AKAP13: variants seen among roughly 807,000 people sequenced by gnomAD.
The protein encoded by AKAP13 is A-kinase anchoring protein 13.
AKAP13 carries 80 observed loss-of-function variants against 264.5 expected under a neutral mutation model. That is an observed-to-expected ratio of 0.30 (90% confidence interval 0.25 to 0.36). AKAP13 has a LOEUF of 0.36. Among genes scored for constraint, AKAP13 ranks in the 10% least tolerant of loss-of-function variants. The probability of loss-of-function intolerance (pLI) is 1.00; values close to 1 mark genes in which losing one functional copy is unlikely to be tolerated. For synonymous variants in AKAP13, 1,380 were observed against 1,250.2 expected (o/e 1.10, Z -2.19); for missense variants, 3,712 against 3,435.2 (o/e 1.08, Z -2.01).
intron 1 of AKAP13, among the ~76,000 whole-genome samples, chr15:85,485,038 A>G (rs192563437): frequency 1.3e-5 from 2 of 152,244 alleles, no homozygotes; most frequent in African/African-American, 2.4e-5. Flanking sequence ...TATAGCCTAG[A>G]TGAAGTCCTG....
At chr15:85,382,853 C>T (rs1012107870) in intron 1 of AKAP13, among the ~76,000 whole-genome samples, 1 of 152,224 alleles carries the variant, frequency 6.6e-6, no homozygotes, top group East Asian at 1.9e-4. Flanking sequence ...CTAGTGGTAG[C>T]TAGCGTACAC....
At chr15:85,443,180 C>G (rs1048829720) in intron 1 of AKAP13, among the ~76,000 whole-genome samples, 77 of 148,384 alleles carry the variant, frequency 5.2e-4, no homozygotes, top group African/African-American at 1.9e-3. Context: ...CTTTTATTTT[C>G]TATCAGATTT....
intron 17 of AKAP13, chr15:85,702,139 G>C (rs892682501): frequency 6.6e-6 from 1 of 152,092 alleles, no homozygotes; most frequent in African/African-American, 2.4e-5. Context: ...CCAGCTACTT[G>C]GGAGGCTGAG....
chr15:85,718,917 C>A lies in AKAP13; in HGVS notation c.6002-159C>A. The A allele has an allele frequency of 1.5e-5, 16 of 1,041,000 alleles. No homozygotes were observed. Among genetic ancestry groups the A allele is most frequent in the Non-Finnish European group, 2.0e-5 (15 of 742,562 alleles). The allele number at this position is 1,041,000 out of a possible 1,614,324, so 64.5% of individuals were successfully genotyped here. A position where few individuals can be genotyped will look rare whatever the true frequency, so the allele number is the denominator to read the frequency against. On this transcript the variant is annotated intron_variant, in intron 22 of 36. Transcript: ENST00000394518. The surrounding 1 kb of genome is among the most constrained non-coding windows in gnomAD (Gnocchi z 4.9). ...CTGTCTTAAAAAAAAAACAAAAAAACAAAAAAACGAGAACACTTTTAGGGG... is the reference window on the plus strand; with the variant it reads ...CTGTCTTAAAAAAAAAACAAAAAAAAAAAAAAACGAGAACACTTTTAGGGG...
chr15:85,648,096 T>C (rs1350842186), intron 10 of AKAP13, among the ~76,000 whole-genome samples: 1 of 152,216 alleles, frequency 6.6e-6, no homozygotes, highest in East Asian at 1.9e-4. Flanking sequence ...TGTAAGGAAT[T>C]CTGTTCCCCG....
chr15:85,748,803 G>C lies in AKAP13; in HGVS notation c.*4126G>C, dbSNP rs2089442705. The C allele has an allele frequency of 6.6e-6, 1 of 152,320 alleles. No homozygotes were observed. Among genetic ancestry groups the C allele is most frequent in the South Asian group, 2.1e-4 (1 of 4,832 alleles). The allele number at this position is 152,320 out of a possible 1,614,324, so 9.4% of individuals were successfully genotyped here. On this transcript the variant is annotated 3_prime_UTR_variant, in exon 37 of 37. Transcript: ENST00000394518. Reference sequence around the variant, plus strand: ...GCTGTGTCCCCTGCCACCGAAGTGAGTGACCTGCCCTACAACCAGGTGGGA... The same window carrying C: ...GCTGTGTCCCCTGCCACCGAAGTGACTGACCTGCCCTACAACCAGGTGGGA...
At chr15:85,527,184 T>G (rs567122594) in intron 3 of AKAP13, among the ~76,000 whole-genome samples, 1 of 152,110 alleles carries the variant, frequency 6.6e-6, no homozygotes, top group Non-Finnish European at 1.5e-5. Context: ...AGGATGGTCT[T>G]GATCTCCTGA....
At chr15:85,456,023 T>C (rs1368086031) in intron 1 of AKAP13, among the ~76,000 whole-genome samples, 1 of 152,238 alleles carries the variant, frequency 6.6e-6, no homozygotes, top group African/African-American at 2.4e-5. Context: ...CACTCTTTTA[T>C]ATACTTTCAC....
At chr15:85,566,663 G>A (rs1412916642) in intron 5 of AKAP13, among the ~76,000 whole-genome samples, 1 of 135,950 alleles carries the variant, frequency 7.4e-6, no homozygotes, top group Non-Finnish European at 1.6e-5. Context: ...GTCTCGCTCT[G>A]TTGCCCAGGC....
At chr15:85,442,698 C>T (rs1262636732) in intron 1 of AKAP13, among the ~76,000 whole-genome samples, 1 of 151,204 alleles carries the variant, frequency 6.6e-6, no homozygotes, top group Non-Finnish European at 1.5e-5. Context: ...ACTTTCTTCC[C>T]CTATCATTGC....
intron 12 of AKAP13, among the ~76,000 whole-genome samples, chr15:85,658,908 G>A (rs1394294590): frequency 6.6e-6 from 1 of 152,044 alleles, no homozygotes; most frequent in Non-Finnish European, 1.5e-5. Flanking sequence ...TCGAAGAATT[G>A]TCTATGTCGT....
chr15:85,529,280 G>A (rs1442467630), intron 3 of AKAP13, among the ~76,000 whole-genome samples: 2 of 152,180 alleles, frequency 1.3e-5, no homozygotes, highest in African/African-American at 4.8e-5. Context: ...AATTAGCGGG[G>A]CATGGTGGCG....
At chr15:85,699,911 G>A (rs338558) in intron 17 of AKAP13, among the ~76,000 whole-genome samples, 142,385 of 152,290 alleles carry the variant, frequency 0.93, 66,605 homozygotes, top group East Asian at 0.98. Flanking sequence ...GTTATAGACA[G>A]TCTTTTTGAA....
At chr15:85,583,193 G>A (rs973954889) in intron 7 of AKAP13, 1 of 984,500 alleles carries the variant, frequency 1.0e-6, no homozygotes, top group Non-Finnish European at 1.2e-6. Context: ...TGTCTTTATT[G>A]TTTATTTTTG....
At position 85,687,091 on chromosome 15, in the gene AKAP13, T is replaced by C. The variant is rs1017908771; in HGVS notation, c.5289+2218T>C. Among the ~76,000 whole-genome samples the C allele has an allele frequency of 5.4e-4, 82 of 151,924 alleles. 1 individual carries two copies. The highest frequency in any genetic ancestry group is 1.5e-4 in the African/African-American group (6 of 41,348). ...TGGATAAGGTAAAACATACACATGA[T>C]AGGAAAAAAAACAACGTAAGATGGA... is the stretch of plus-strand genomic sequence containing the variant. On this transcript the variant is annotated intron_variant, in intron 16 of 36. Transcript: ENST00000394518.
At chr15:85,686,593 T>G (rs910813274) in intron 16 of AKAP13, among the ~76,000 whole-genome samples, 12 of 147,320 alleles carry the variant, frequency 8.1e-5, no homozygotes, top group African/African-American at 2.9e-4. Flanking sequence ...GACTCAGCCT[T>G]GTTTTATAAT....
At chr15:85,504,872 T>G (rs34585751) in intron 2 of AKAP13, among the ~76,000 whole-genome samples, 37,476 of 151,878 alleles carry the variant, frequency 0.25, 6,078 homozygotes, top group Middle Eastern at 0.41. Flanking sequence ...TTTCTCGCTC[T>G]CTCTCTCTTG....
At chr15:85,624,781 A>G (rs1490571067) in intron 8 of AKAP13, 2 of 152,216 alleles carry the variant, frequency 1.3e-5, no homozygotes, top group African/African-American at 2.4e-5. Flanking sequence ...AACAAAGACA[A>G]TTCCCTCTCC....
At chr15:85,421,351 C>T (rs1445874052) in intron 1 of AKAP13, among the ~76,000 whole-genome samples, 1 of 152,218 alleles carries the variant, frequency 6.6e-6, no homozygotes, top group African/African-American at 2.4e-5. Context: ...CTTACTCTTC[C>T]TAACTGAATA....
Sources: allele counts gnomAD v4.1 joint callset (sites outside exome capture counted in the v4.1 genomes callset), GRCh38; gene constraint gnomAD v4.1.1; non-coding constraint Gnocchi (gnomAD v3.1); transcripts MANE v1.5; gene names NCBI Gene and HGNC (gene_info 2026-07-23, HGNC 2026-07-21).